ROBO1: variants seen among roughly 807,000 people sequenced by gnomAD.
ROBO1 encodes the protein roundabout homolog 1.
In ROBO1, 149 loss-of-function variants were observed where a neutral mutation model predicts 195.9. That is an observed-to-expected ratio of 0.76 (90% CI 0.67 to 0.87). The LOEUF (loss-of-function observed/expected upper bound fraction) is 0.87. ROBO1 is among the 40% of genes least tolerant of loss of function. The pLI is 0.00. For missense variants in ROBO1, 1,933 were observed against 2,068.3 expected (o/e 0.93, Z 1.27); for synonymous variants, 816 against 733.2 (o/e 1.11, Z -1.82).
rs547531335 is a variant in ROBO1 at position 78,991,871 on chromosome 3, T to C, written c.173-52944A>G. 3.9e-5 allele frequency among the ~76,000 whole-genome samples: 6 copies of C among 152,006 alleles called. No individual in the cohort carries two copies. In the South Asian group the frequency reaches 1.0e-3, roughly 26 times the overall value. ...GGAAATGGAGCTAACTCAGGCATCA[T>C]AGAAGAAATTATGGAAAAAAATACT... On this transcript the variant is annotated intron_variant, in intron 3 of 30. Transcript: ENST00000464233.
chr3:78,910,020 C>A (rs868159645), intron 4 of ROBO1, among the ~76,000 whole-genome samples: 1 of 151,538 alleles, frequency 6.6e-6, no homozygotes, highest in Non-Finnish European at 1.5e-5. Flanking sequence ...GTCAGACCTC[C>A]GTAGACACAT....
chr3:78,627,551 T>C lies in ROBO1; in HGVS notation c.3645A>G (p.Pro1215=), dbSNP rs116125749. ...ACATCCTTGCTGGTGGCACGGGACATGGCATTTCTTGGTCATAGCTAAAAT... is the reference window on the plus strand; with the variant it reads ...ACATCCTTGCTGGTGGCACGGGACACGGCATTTCTTGGTCATAGCTAAAAT... ...SVDESYDQEM[P]CPVPPARMYL... Residue 1215 remains proline (P), a synonymous_variant, in exon 26 of 31, where the codon CCA becomes CCG. Transcript: ENST00000464233. 2,720 of 1,612,320 alleles carry C rather than the reference T, an allele frequency of 1.7e-3. 34 individuals are homozygous for C. In the African/African-American group the frequency reaches 0.032, roughly 19 times the overall value.
At position 78,617,675 on chromosome 3, in the gene ROBO1, A is replaced by G. The variant is rs749204812; in HGVS notation, c.4242T>C (p.Ala1414=). ...TTTGCCGTCGTGCTACTTTCAGACC[A>G]GCATACTCTGCCGCTGCTGCGACTG... ...AQAVAAAAEY[A]GLKVARRQMQ... Residue 1414 remains alanine, a synonymous_variant, in exon 27 of 31, where the codon GCT becomes GCC. Coordinates refer to ENST00000464233, the MANE Select transcript of ROBO1 (RefSeq NM_002941.4). 4 of 1,613,740 alleles carry G rather than the reference A, an allele frequency of 2.5e-6. No homozygotes were observed. The highest frequency in any genetic ancestry group is 8.5e-7 in the Non-Finnish European group (1 of 1,179,796).
At chr3:79,112,106 C>T (rs577808272) in intron 3 of ROBO1, among the ~76,000 whole-genome samples, 3 of 152,236 alleles carry the variant, frequency 2.0e-5, no homozygotes, top group South Asian at 2.1e-4. Flanking sequence ...TTTCTTATTA[C>T]TTTGTTTTGA....
intron 1 of ROBO1, among the ~76,000 whole-genome samples, chr3:79,689,341 G>C (rs1056641284): frequency 3.3e-5 from 5 of 152,040 alleles, no homozygotes; most frequent in Admixed American, 2.0e-4. Flanking sequence ...AGAAATCTGA[G>C]GCTTTGGAAC....
In ROBO1 at chr3:79,117,045, G is replaced by A. The variant is rs2108549849; in HGVS notation, c.172+8411C>T. ...TCTAAGAGCCATAGTAGGATTATAT[G>A]TCCCTATGCTGTTGTAGTTAGGTAT... On this transcript the variant is annotated intron_variant, in intron 3 of 30. Coordinates refer to ENST00000464233, the MANE Select transcript of ROBO1 (RefSeq NM_002941.4). Among the ~76,000 whole-genome samples, 2 of 152,174 alleles carry A rather than the reference G, an allele frequency of 1.3e-5. 1 individual carries two copies. The highest frequency in any genetic ancestry group is 4.1e-4 in the South Asian group (2 of 4,826).
chr3:79,675,559 G>A (rs1325438744), intron 1 of ROBO1, among the ~76,000 whole-genome samples: 1 of 151,968 alleles, frequency 6.6e-6, no homozygotes, highest in Non-Finnish European at 1.5e-5. Flanking sequence ...GGTAGCTGGA[G>A]GGTAAAGAGA....
At chr3:79,226,018 A>T (rs1481180258) in intron 2 of ROBO1, among the ~76,000 whole-genome samples, 1 of 152,144 alleles carries the variant, frequency 6.6e-6, no homozygotes, top group East Asian at 1.9e-4. Flanking sequence ...CAAAATCACA[A>T]AAAGCACAAC....
At chr3:78,840,783 G>T (rs549211901) in intron 4 of ROBO1, among the ~76,000 whole-genome samples, 1 of 152,076 alleles carries the variant, frequency 6.6e-6, no homozygotes, top group East Asian at 1.9e-4. Flanking sequence ...GTTATAGGCC[G>T]AGTGCGGTGG....
chr3:79,500,119 C>G (rs1180617353), intron 2 of ROBO1, among the ~76,000 whole-genome samples: 115 of 72,494 alleles, frequency 1.6e-3, no homozygotes, highest in African/African-American at 6.0e-3. Context: ...TAAGTTTTCT[C>G]TTTTTTTTTT....
chr3:78,628,563 C>T (rs1229683612), intron 25 of ROBO1, among the ~76,000 whole-genome samples: 1 of 152,166 alleles, frequency 6.6e-6, no homozygotes, highest in Non-Finnish European at 1.5e-5. Context: ...CAATGAAGTA[C>T]TACATTATAT....
At chr3:78,910,629 C>G (rs929122894) in intron 4 of ROBO1, among the ~76,000 whole-genome samples, 2 of 151,784 alleles carry the variant, frequency 1.3e-5, no homozygotes, top group African/African-American at 2.4e-5. Flanking sequence ...AAGAGAGAAA[C>G]GGCAAATGAC....
At chr3:78,728,955 A>T (rs751370891) in intron 5 of ROBO1, among the ~76,000 whole-genome samples, 4 of 152,222 alleles carry the variant, frequency 2.6e-5, no homozygotes, top group Non-Finnish European at 5.9e-5. Flanking sequence ...AGGAGTTTAA[A>T]CACACTTGAT....
At chr3:79,385,881 A>C (rs2036724417) in intron 2 of ROBO1, among the ~76,000 whole-genome samples, 2 of 152,218 alleles carry the variant, frequency 1.3e-5, no homozygotes, top group Admixed American at 1.3e-4. Flanking sequence ...GTCAACTTTT[A>C]TACTGTAGAT....
At chr3:79,646,234 A>T (rs1355631949) in intron 1 of ROBO1, among the ~76,000 whole-genome samples, 3 of 152,024 alleles carry the variant, frequency 2.0e-5, no homozygotes, top group African/African-American at 7.2e-5. Flanking sequence ...TAATTTGATT[A>T]AAAAAATGGA....
At chr3:78,601,707 T>A (rs1703181917) in intron 29 of ROBO1, among the ~76,000 whole-genome samples, 1 of 152,208 alleles carries the variant, frequency 6.6e-6, no homozygotes, top group South Asian at 2.1e-4. Context: ...GGATTCAATA[T>A]TGATAGTCAC....
Position 79,019,920 on chromosome 3 carries a change from T to C in ROBO1, c.173-80993A>G, listed in dbSNP as rs559346959. ...AGGACAGGAGGTAAACAGAGAACTA[T>C]CCAGAACATATCAGTAGATGGGCAG... On this transcript the variant is annotated intron_variant, in intron 3 of 30. Transcript: ENST00000464233. 9.3e-4 allele frequency among the ~76,000 whole-genome samples: 141 copies of C among 152,286 alleles called. 4 individuals are homozygous for C. Among genetic ancestry groups the C allele is most frequent in the Admixed American group, 2.6e-3 (39 of 15,282 alleles).
At chr3:78,925,978 C>A (rs1408841991) in intron 4 of ROBO1, among the ~76,000 whole-genome samples, 1 of 152,018 alleles carries the variant, frequency 6.6e-6, no homozygotes, top group Non-Finnish European at 1.5e-5. Flanking sequence ...TCAAGCAACT[C>A]TCCTGCCTCA....
chr3:79,021,651 ATT>A (rs71127372), intron 3 of ROBO1, among the ~76,000 whole-genome samples: 19,273 of 76,732 alleles, frequency 0.25, 2,028 homozygotes, highest in Non-Finnish European at 0.29. Flanking sequence ...CCTAGAGATG[ATT>A]TTTTTTTTTT....
Sources: allele counts gnomAD v4.1 joint callset (sites outside exome capture counted in the v4.1 genomes callset), GRCh38; gene constraint gnomAD v4.1.1; transcripts MANE v1.5; gene names NCBI Gene and HGNC (gene_info 2026-07-23, HGNC 2026-07-21).